The following CASP2 variants were observed in gnomAD, a reference collection of about 807,000 sequenced individuals.
CASP2 encodes caspase 2.
CASP2 carries 38 observed loss-of-function variants against 54.4 expected under a neutral mutation model. That is an observed-to-expected ratio of 0.70 (90% CI 0.54 to 0.92). CASP2 has a LOEUF of 0.92. Ranked by LOEUF, CASP2 falls within the 40% of genes least tolerant of loss-of-function variation. The probability of loss-of-function intolerance (pLI) is 0.00; values close to 1 mark genes in which losing one functional copy is unlikely to be tolerated. For missense variants in CASP2, 512 were observed against 579.6 expected, an observed-to-expected ratio of 0.88 and a Z score of 1.20; for synonymous variants, 215 against 216.3, an observed-to-expected ratio of 0.99 and a Z score of 0.05.
chr7:143,297,742 C>T (rs1221823971), intron 6 of CASP2, among the ~76,000 whole-genome samples: 10 of 152,226 alleles, frequency 6.6e-5, no homozygotes, highest in African/African-American at 2.4e-4. Context: ...CCACCGCGCC[C>T]GGCCTTTGTT....
At chr7:143,303,331 GTTAT>G (rs1190373376) in intron 8 of CASP2, 2 of 159,936 alleles carry the variant, frequency 1.3e-5, no homozygotes, top group East Asian at 1.8e-4. Flanking sequence ...AACCGTATTT[GTTAT>G]TTATTACCTT....
In CASP2 at chr7:143,288,493, A is replaced by G; in HGVS notation, c.38A>G (p.Gln13Arg). The G allele has an allele frequency of 1.2e-6, 2 of 1,613,422 alleles. No homozygotes were observed. The highest frequency in any genetic ancestry group is 1.7e-6 in the Non-Finnish European group (2 of 1,179,690). The stretch of plus-strand genomic sequence containing the variant: ...AGCGCGGGGTCTTGGTCCACCTTCC[A>G]GCACAAGGAGCTGATGGCCGCTGAC... ...APSAGSWSTF[Q>R]HKELMAADRG... Residue 13 changes from glutamine to arginine, a missense_variant, in exon 1 of 11, where the codon CAG becomes CGG. Physicochemically the swap from Gln to Arg is conservative, Grantham distance 43 (BLOSUM62 1). Transcript: ENST00000310447.
rs1331797577 is a variant in CASP2 at position 143,305,695 on chromosome 7, C to A, written c.*624C>A. 1 of 161,420 alleles carries A rather than the reference C, an allele frequency of 6.2e-6. No homozygotes were observed. Among genetic ancestry groups the A allele is most frequent in the Non-Finnish European group, 1.4e-5 (1 of 72,560 alleles). The allele number at this position is 161,420 out of a possible 1,614,324, so 10.0% of individuals were successfully genotyped here. A position where few individuals can be genotyped will look rare whatever the true frequency, so the allele number is the denominator to read the frequency against. ...TCTTGGCTCGTTTGGGCTCAAGGCA[C>A]CGCAGCCTGTCAGCCAACATTGCCT... is the stretch of plus-strand genomic sequence containing the variant. On this transcript the variant is annotated 3_prime_UTR_variant, in exon 11 of 11. Transcript: ENST00000310447.
chr7:143,299,784 C>T (rs1367337718), intron 6 of CASP2, 139 bp from the exon 7 acceptor site: 5 of 919,372 alleles, frequency 5.4e-6, no homozygotes, highest in Non-Finnish European at 8.6e-6. Context: ...CAAAAGGTCT[C>T]TTCTTTTATC....
At chr7:143,294,389 G>A in intron 5 of CASP2, 65 bp downstream of exon 5, 1 of 1,210,948 alleles carries the variant, frequency 8.3e-7, no homozygotes, top group African/African-American at 1.5e-5. Flanking sequence ...CTGGGAACCT[G>A]AACTTAGTTT....
chr7:143,299,474 A>G (rs1801851125), intron 6 of CASP2, among the ~76,000 whole-genome samples: 1 of 152,240 alleles, frequency 6.6e-6, no homozygotes, highest in Non-Finnish European at 1.5e-5. Flanking sequence ...ATTCTCTACT[A>G]TCATGATGCT....
At chr7:143,303,738 T>C (rs1355622346) in intron 8 of CASP2, 46 bp from the exon 9 acceptor site, 13 of 1,591,166 alleles carry the variant, frequency 8.2e-6, no homozygotes, top group East Asian at 2.2e-5. Context: ...CCAAGAGAGA[T>C]AGGAAGAAGT....
At position 143,305,372 on chromosome 7, in the gene CASP2, A is replaced by G. The variant is rs878993540; in HGVS notation, c.*301A>G. On this transcript the variant is annotated 3_prime_UTR_variant, in exon 11 of 11. Transcript: ENST00000310447. ...GTAAACACAGTGTGGTTATGGGGAGAGGGCATATAAATTCCCCATATTTGT... is the reference window on the plus strand; with the variant it reads ...GTAAACACAGTGTGGTTATGGGGAGGGGGCATATAAATTCCCCATATTTGT... The G allele has an allele frequency of 7.3e-5, 35 of 478,306 alleles. 2 individuals are homozygous for G. The South Asian group carries it at 7.4e-4, about 10-fold the overall frequency. 29.6% of individuals were successfully genotyped at this position (478,306 alleles called of 1,614,324 possible).
chr7:143,293,315 A>G, intron 4 of CASP2: 2 of 437,102 alleles, frequency 4.6e-6, no homozygotes, highest in Non-Finnish European at 8.1e-6. Flanking sequence ...TTTTGTAGAG[A>G]AGGAGTCTCA....
chr7:143,303,751 C>T (rs1801988675), intron 8 of CASP2, 33 bp from the exon 9 acceptor site: 9 of 1,606,228 alleles, frequency 5.6e-6, no homozygotes, highest in Non-Finnish European at 7.7e-6. Flanking sequence ...GAAGAAGTAA[C>T]ATCATTGTCC....
intron 6 of CASP2, 36 bp from the exon 7 acceptor site, chr7:143,299,887 C>A: frequency 1.9e-6 from 3 of 1,612,772 alleles, no homozygotes; most frequent in Non-Finnish European, 2.5e-6. Flanking sequence ...TTGGTGCTGA[C>A]CTTAGTGCAC....
chr7:143,294,156 T>C, intron 4 of CASP2, 74 bp from the exon 5 acceptor site: 1 of 864,056 alleles, frequency 1.2e-6, no homozygotes, highest in Admixed American at 1.7e-5. Flanking sequence ...AAGAGATGTC[T>C]GAAGTTACAA....
At chr7:143,303,652 A>C in intron 8 of CASP2, 132 bp from the exon 9 acceptor site, 1 of 699,942 alleles carries the variant, frequency 1.4e-6, no homozygotes, top group Non-Finnish European at 2.5e-6. Context: ...TTTATCAGCC[A>C]TAGGTTGGAG....
intron 6 of CASP2, among the ~76,000 whole-genome samples, chr7:143,297,467 A>T (rs1801789570): frequency 1.3e-5 from 2 of 151,878 alleles, no homozygotes; most frequent in South Asian, 4.1e-4. Flanking sequence ...TTATTTTGAG[A>T]TGGAGTTTCA....
At position 143,291,780 on chromosome 7, in the gene CASP2, CTTTTTTTTTTT is replaced by C. The variant is rs777186983; in HGVS notation, c.225+100_225+110del. On this transcript the variant is annotated intron_variant, in intron 2 of 10. Coordinates refer to ENST00000310447, the MANE Select transcript of CASP2 (RefSeq NM_032982.4). Reference sequence around the variant, plus strand: ...TGGAAAGGGTGTCGTATCTTTCTTCCTTTTTTTTTTTTTTTTTTTTGAGACAGAGTCTCTGT... The same window carrying C: ...TGGAAAGGGTGTCGTATCTTTCTTCCTTTTTTTTTGAGACAGAGTCTCTGT... 1.9e-5 allele frequency: 8 copies of C among 422,922 alleles called. 1 individual carries two copies. In the Admixed American group the frequency reaches 2.5e-4, roughly 13 times the overall value. The allele number at this position is 422,922 out of a possible 1,614,324, so 26.2% of individuals were successfully genotyped here. A position where few individuals can be genotyped will look rare whatever the true frequency, so the allele number is the denominator to read the frequency against.
chr7:143,300,677 A>T, intron 8 of CASP2: 1 of 1,218,944 alleles, frequency 8.2e-7, no homozygotes, highest in Non-Finnish European at 1.0e-6. Flanking sequence ...TTCTTATTTT[A>T]TCTCCTTTCT....
At chr7:143,302,156 TTGATGGATCTGTGATATA>T (rs1263217920) in intron 8 of CASP2, 1 of 152,228 alleles carries the variant, frequency 6.6e-6, no homozygotes, top group African/African-American at 2.4e-5. Context: ...CATTTATTGA[TTGATGGATCTGTGATATA>T]AAGGTGAGAG....
rs1801449043 is a variant in CASP2 at position 143,288,499 on chromosome 7, AG to A, written c.46del (p.Glu16SerfsTer2). 6.2e-7 allele frequency: 1 copy of A among 1,613,334 alleles called. No homozygotes were observed. The highest frequency in any genetic ancestry group is 1.1e-5 in the South Asian group (1 of 91,050). On this transcript the variant is annotated frameshift_variant, in exon 1 of 11. Transcript: ENST00000310447. LOFTEE classifies it high-confidence loss of function. ...GGGTCTTGGTCCACCTTCCAGCACAAGGAGCTGATGGCCGCTGACAGGGGAC... is the reference window on the plus strand; with the variant it reads ...GGGTCTTGGTCCACCTTCCAGCACAAGAGCTGATGGCCGCTGACAGGGGAC... Reference protein sequence around the residue: ...SAGSWSTFQHKELMAADRGRR... With the variant: ...SAGSWSTFQHXELMAADRGRR...
At position 143,304,983 on chromosome 7, in the gene CASP2, CAG is replaced by C; in HGVS notation, c.1273_1274del (p.Glu425IlefsTer9). On this transcript the variant is annotated frameshift_variant, in exon 11 of 11. Coordinates refer to ENST00000310447, the MANE Select transcript of CASP2 (RefSeq NM_032982.4). LOFTEE classifies it high-confidence loss of function. ...GATCGGGAAGGTTATGCTCCTGGCA[CAG>C]AATTCCACCGGTGCAAGGAGATGTC... 8 of 1,614,208 alleles carry C rather than the reference CAG, an allele frequency of 5.0e-6. No homozygotes were observed. Among genetic ancestry groups the C allele is most frequent in the Non-Finnish European group, 6.8e-6 (8 of 1,180,036 alleles).
Sources: allele counts gnomAD v4.1 joint callset (sites outside exome capture counted in the v4.1 genomes callset), GRCh38; gene constraint gnomAD v4.1.1; transcripts MANE v1.5; gene names NCBI Gene and HGNC (gene_info 2026-07-23, HGNC 2026-07-21).